PHKA1: variants seen among roughly 807,000 people sequenced by gnomAD.
PHKA1 encodes phosphorylase kinase regulatory subunit alpha 1.
In PHKA1, 60 loss-of-function variants were observed where a neutral mutation model predicts 110.2. That is an observed-to-expected ratio of 0.54 (90% CI 0.44 to 0.68). The LOEUF is 0.68. Ranked by LOEUF, PHKA1 falls within the 30% of genes least tolerant of loss-of-function variation. PHKA1 has a pLI of 0.00. For missense variants in PHKA1, 801 were observed against 942.5 expected, an observed-to-expected ratio of 0.85 and a Z score of 1.97; for synonymous variants, 316 against 333.6, an observed-to-expected ratio of 0.95 and a Z score of 0.58.
intron 3 of PHKA1, among the ~76,000 whole-genome samples, chrX:72,698,198 AAG>A (rs1183625844): frequency 9.9e-5 from 11 of 110,778 alleles, no homozygotes; most frequent in African/African-American, 3.6e-4. Flanking sequence ...AGAAAAAAAA[AAG>A]AGGGGGTCTT....
chrX:72,676,991 A>G (rs1556312123), intron 5 of PHKA1, among the ~76,000 whole-genome samples: 1 of 111,705 alleles, frequency 9.0e-6, no homozygotes, highest in African/African-American at 3.3e-5. Context: ...TTTTCCACCA[A>G]TGGCCTTTTT....
intron 6 of PHKA1, among the ~76,000 whole-genome samples, chrX:72,668,495 G>A (rs970999836): frequency 9.0e-6 from 1 of 111,474 alleles, no homozygotes; most frequent in Non-Finnish European, 1.9e-5. Flanking sequence ...ATTAAAAAAT[G>A]GTATATCTGT....
intron 17 of PHKA1, among the ~76,000 whole-genome samples, chrX:72,626,299 C>A (rs1473828202): frequency 1.8e-5 from 2 of 109,583 alleles, no homozygotes; most frequent in Non-Finnish European, 3.8e-5. Flanking sequence ...AGTATTCTTG[C>A]AAATTTCTGT....
Position 72,598,880 on chromosome X carries a change from T to C in PHKA1, c.3072+3111A>G, listed in dbSNP as rs77759357. 4.7e-3 allele frequency among the ~76,000 whole-genome samples: 525 copies of C among 111,230 alleles called. 1 individual carries two copies. The highest frequency in any genetic ancestry group is 7.0e-3 in the Non-Finnish European group (369 of 52,864). ...GCCTAAATCACCAACCAATGCAATG[T>C]AAAAAAGAAAAGAGCCCCCAAACAT... On this transcript the variant is annotated intron_variant, in intron 28 of 31. Coordinates refer to ENST00000373542, the MANE Select transcript of PHKA1 (RefSeq NM_002637.4).
intron 28 of PHKA1, among the ~76,000 whole-genome samples, chrX:72,601,126 C>T (rs1457450727): frequency 1.8e-5 from 2 of 111,613 alleles, no homozygotes; most frequent in Non-Finnish European, 3.8e-5. Context: ...TCTATTCTCA[C>T]CTGCAGGAAA....
chrX:72,658,764 A>T (rs1034149278), intron 8 of PHKA1, among the ~76,000 whole-genome samples: 1 of 112,284 alleles, frequency 8.9e-6, no homozygotes, highest in African/African-American at 3.2e-5. Context: ...AGGATACCAC[A>T]GAAGTGATGT....
At chrX:72,654,593 T>C (rs1023367353) in intron 10 of PHKA1, among the ~76,000 whole-genome samples, 1 of 111,604 alleles carries the variant, frequency 9.0e-6, no homozygotes, top group Non-Finnish European at 1.9e-5. Flanking sequence ...CAAGCAAACT[T>C]TGGGTCTTTT....
chrX:72,618,889 A>C, intron 20 of PHKA1, 40 bp from the exon 21 acceptor site: 1 of 1,144,938 alleles, frequency 8.7e-7, no homozygotes, highest in Non-Finnish European at 1.2e-6. Flanking sequence ...TAAGTTCACA[A>C]GTGCTCAACT....
rs375584957 is a variant in PHKA1 at position 72,678,004 on chromosome X, C to T, written c.538-1854G>A. On this transcript the variant is annotated intron_variant, in intron 5 of 31. Transcript: ENST00000373542. ...TTGAAGCTGAAGTAAGCCATGATTG[C>T]GCCACTGAATCCTAGTGTGGGTGAC... is the stretch of plus-strand genomic sequence containing the variant. 1.6e-4 allele frequency among the ~76,000 whole-genome samples: 18 copies of T among 111,508 alleles called. 1 individual carries two copies. Among genetic ancestry groups the T allele is most frequent in the South Asian group, 3.8e-4 (1 of 2,603 alleles).
intron 2 of PHKA1, chrX:72,712,037 T>A (rs1238726705): frequency 8.9e-6 from 1 of 111,881 alleles, no homozygotes; most frequent in Non-Finnish European, 1.9e-5. Flanking sequence ...TTTTTCCCAC[T>A]AATGGAAATG....
intron 23 of PHKA1, among the ~76,000 whole-genome samples, chrX:72,606,749 G>A (rs377023692): frequency 3.6e-5 from 4 of 110,333 alleles, no homozygotes; most frequent in Non-Finnish European, 7.6e-5. Context: ...ATTTTAAAAC[G>A]CACAATTAAA....
intron 4 of PHKA1, among the ~76,000 whole-genome samples, chrX:72,694,274 C>G (rs1298059953): frequency 8.9e-6 from 1 of 112,320 alleles, no homozygotes; most frequent in Non-Finnish European, 1.9e-5. Flanking sequence ...TCACTAACTT[C>G]CTAACTAGTC....
At chrX:72,612,748 T>C (rs1448742688) in intron 21 of PHKA1, among the ~76,000 whole-genome samples, 1 of 112,155 alleles carries the variant, frequency 8.9e-6, no homozygotes, top group East Asian at 2.8e-4. Context: ...CTTCTTACAA[T>C]GTGACTCTCG....
chrX:72,693,363 A>C (rs1000908206), intron 4 of PHKA1, among the ~76,000 whole-genome samples: 3 of 111,985 alleles, frequency 2.7e-5, no homozygotes, highest in Non-Finnish European at 5.6e-5. Context: ...GATTGCCTTT[A>C]GGCTTTAACT....
At position 72,620,912 on chromosome X, in the gene PHKA1, A is replaced by G. The variant is rs1556276986; in HGVS notation, c.1961-11T>C. 1 of 1,208,210 alleles carries G rather than the reference A, an allele frequency of 8.3e-7. No individual in the cohort carries two copies. The highest frequency in any genetic ancestry group is 1.1e-6 in the Non-Finnish European group (1 of 893,166). On this transcript the variant is annotated splice_polypyrimidine_tract_variant and intron_variant, in intron 18 of 31. Transcript: ENST00000373542. ...CATCACCACAGCGAGCTGCAAGGTTAGTGGGGGGAGGGGGAAGAGAAAAGA... is the reference window on the plus strand; with the variant it reads ...CATCACCACAGCGAGCTGCAAGGTTGGTGGGGGGAGGGGGAAGAGAAAAGA...
intron 4 of PHKA1, among the ~76,000 whole-genome samples, chrX:72,687,229 T>C (rs1039921164): frequency 8.0e-5 from 9 of 111,818 alleles, no homozygotes; most frequent in Non-Finnish European, 5.6e-5. Flanking sequence ...AGTATATATA[T>C]ATAAAATGGC....
chrX:72,682,291 G>T (rs1488626884), intron 5 of PHKA1, among the ~76,000 whole-genome samples: 3 of 100,828 alleles, frequency 3.0e-5, no homozygotes, highest in East Asian at 6.9e-4. Context: ...GGAGGTGGGG[G>T]GGGTCAGCCC....
intron 1 of PHKA1, 97 bp downstream of exon 1, chrX:72,713,706 A>ACACG (rs1263541320): frequency 1.6e-4 from 98 of 628,930 alleles, no homozygotes; most frequent in Admixed American, 8.0e-4. Context: ...ACACACCCAC[A>ACACG]CACGCACGCA....
intron 29 of PHKA1, among the ~76,000 whole-genome samples, chrX:72,589,239 C>T (rs932534404): frequency 2.7e-5 from 3 of 111,573 alleles, no homozygotes; most frequent in Non-Finnish European, 3.8e-5. Context: ...ATGATCGAGT[C>T]GGCTTCATCC....
Sources: gnomAD v4.1 joint callset for allele counts (sites outside exome capture counted in the v4.1 genomes callset) on GRCh38, gnomAD v4.1.1 for gene constraint, MANE v1.5 for transcripts, NCBI Gene and HGNC (gene_info 2026-07-23, HGNC 2026-07-21) for gene names.